The following COBL variants were observed in gnomAD, a reference collection of about 807,000 sequenced individuals.
The protein encoded by COBL is protein cordon-bleu.
A neutral mutation model predicts 98.8 loss-of-function variants in COBL; 51 were observed. That is an observed-to-expected ratio of 0.52 (90% CI 0.41 to 0.65). The LOEUF (loss-of-function observed/expected upper bound fraction) is 0.65. COBL is among the 30% of genes least tolerant of loss of function. The pLI is 0.00. For synonymous variants in COBL, 634 were observed against 651.7 expected (o/e 0.97, Z 0.41); for missense variants, 1,617 against 1,617.5 (o/e 1.00, Z 0.01).
intron 1 of COBL, chr7:51,259,521 G>T: frequency 1.5e-6 from 1 of 667,152 alleles, no homozygotes; most frequent in Non-Finnish European, 2.8e-6. Flanking sequence ...ATTTGTGGTA[G>T]CAAGATGGGC....
At chr7:51,259,538 G>A (rs1797531339) in intron 1 of COBL, 1 of 690,514 alleles carries the variant, frequency 1.4e-6, no homozygotes, top group Non-Finnish European at 2.7e-6. Context: ...GGGCCACTGA[G>A]AAGTGGAAAG....
chr7:51,072,872 A>C (rs528686135), intron 7 of COBL: 1 of 152,654 alleles, frequency 6.6e-6, no homozygotes, highest in South Asian at 2.1e-4. Context: ...GTGAGTTCCT[A>C]GTAACTACAT....
At chr7:51,197,254 A>AT (rs1790680491) in intron 2 of COBL, among the ~76,000 whole-genome samples, 1 of 152,042 alleles carries the variant, frequency 6.6e-6, no homozygotes, top group Non-Finnish European at 1.5e-5. Flanking sequence ...GAACTTCTTG[A>AT]TTTTCCCCTT....
intron 6 of COBL, among the ~76,000 whole-genome samples, chr7:51,111,616 T>C (rs2128977812): frequency 6.6e-6 from 1 of 152,276 alleles, no homozygotes; most frequent in Admixed American, 6.5e-5. Flanking sequence ...CCATCCATCC[T>C]TCAAGGCCCA....
At chr7:51,040,484 G>A (rs1002050997) in intron 8 of COBL, among the ~76,000 whole-genome samples, 1 of 152,210 alleles carries the variant, frequency 6.6e-6, no homozygotes, top group South Asian at 2.1e-4. Flanking sequence ...AAGGGCAGTA[G>A]TTCTGACAAT....
intron 5 of COBL, among the ~76,000 whole-genome samples, chr7:51,175,406 A>C (rs776622506): frequency 1.3e-5 from 2 of 152,230 alleles, no homozygotes; most frequent in Non-Finnish European, 2.9e-5. Context: ...ACCCCCAGAA[A>C]AACTCTTTAA....
chr7:51,159,071 C>G (rs926204877), intron 5 of COBL, among the ~76,000 whole-genome samples: 1 of 152,188 alleles, frequency 6.6e-6, no homozygotes, highest in Non-Finnish European at 1.5e-5. Flanking sequence ...ACACGAAGAG[C>G]TGGCCAGGAG....
chr7:51,161,686 G>A (rs1245273763), intron 5 of COBL, among the ~76,000 whole-genome samples: 1 of 152,078 alleles, frequency 6.6e-6, no homozygotes, highest in Non-Finnish European at 1.5e-5. Context: ...TTAACTTTAT[G>A]GTATCAAGAA....
chr7:51,117,260 G>T (rs1797356444), intron 6 of COBL, among the ~76,000 whole-genome samples: 1 of 151,756 alleles, frequency 6.6e-6, no homozygotes, highest in Non-Finnish European at 1.5e-5. Flanking sequence ...CTCACAAAAT[G>T]TAAAAAACTT....
chr7:51,033,059 A>G (rs1308726715), intron 8 of COBL: 1 of 152,312 alleles, frequency 6.6e-6, no homozygotes, highest in East Asian at 1.9e-4. Flanking sequence ...AATGATATCA[A>G]TAAGAATTAA....
chr7:51,284,257 C>A (rs200928312), intron 1 of COBL, among the ~76,000 whole-genome samples: 23 of 149,746 alleles, frequency 1.5e-4, no homozygotes, highest in Middle Eastern at 7.2e-3. Context: ...GCAGAGATTG[C>A]GCCACTGCAC....
chr7:51,271,089 G>A (rs1206446508), intron 1 of COBL, among the ~76,000 whole-genome samples: 1 of 152,206 alleles, frequency 6.6e-6, no homozygotes, highest in Admixed American at 6.5e-5. Context: ...CGCCAGGCCT[G>A]GTGTATCTCC....
chr7:51,192,213 T>C (rs1297943365), intron 3 of COBL, among the ~76,000 whole-genome samples: 2 of 152,206 alleles, frequency 1.3e-5, no homozygotes, highest in African/African-American at 4.8e-5. Context: ...TTGGCTGCAT[T>C]ACCATTTTTA....
intron 1 of COBL, among the ~76,000 whole-genome samples, chr7:51,306,880 T>C (rs1802524072): frequency 6.6e-6 from 1 of 152,128 alleles, no homozygotes; most frequent in Admixed American, 6.5e-5. Flanking sequence ...GCTTCAGAAA[T>C]AGAGCAGAGC....
chr7:51,018,908 ATATATATATATATATATATATATATAT>A lies in COBL; in HGVS notation c.3769-1367_3769-1341del, dbSNP rs1786616794. On this transcript the variant is annotated intron_variant, in intron 12 of 12. Coordinates refer to ENST00000265136, the MANE Select transcript of COBL (RefSeq NM_015198.5). ...CTCCATCTCAAAAAAAAAAAAAAAT[ATATATATATATATATATATATATATAT>A]ATATATATATATATATATGATTTTT... 1.0e-3 allele frequency among the ~76,000 whole-genome samples: 31 copies of A among 30,260 alleles called. 2 individuals are homozygous for A. The highest frequency in any genetic ancestry group is 0.017 in the Middle Eastern group (1 of 60). The allele number at this position is 30,260 out of a possible 152,430, so 19.9% of individuals were successfully genotyped here. A position where few individuals can be genotyped will look rare whatever the true frequency, so the allele number is the denominator to read the frequency against.
At chr7:51,198,819 T>C (rs946367212) in intron 2 of COBL, among the ~76,000 whole-genome samples, 9 of 152,188 alleles carry the variant, frequency 5.9e-5, no homozygotes, top group Non-Finnish European at 1.2e-4. Flanking sequence ...AAAAAATGAT[T>C]TGGCAGCCTG....
At chr7:51,088,777 C>A (rs779973792) in intron 6 of COBL, among the ~76,000 whole-genome samples, 31 of 152,206 alleles carry the variant, frequency 2.0e-4, no homozygotes, top group Non-Finnish European at 4.3e-4. Context: ...GATATTCATA[C>A]CTGCAGGATT....
intron 5 of COBL, among the ~76,000 whole-genome samples, chr7:51,140,800 C>T (rs746583597): frequency 1.3e-5 from 2 of 152,118 alleles, no homozygotes; most frequent in Admixed American, 6.5e-5. Context: ...TCACAGGTAC[C>T]GCAGAGAACA....
At chr7:51,274,928 G>A (rs962867514) in intron 1 of COBL, among the ~76,000 whole-genome samples, 1 of 152,156 alleles carries the variant, frequency 6.6e-6, no homozygotes, top group African/African-American at 2.4e-5. Flanking sequence ...TTGATTTTTA[G>A]GTCTGCATAT....
Sources: gnomAD v4.1 joint callset for allele counts (sites outside exome capture counted in the v4.1 genomes callset) on GRCh38, gnomAD v4.1.1 for gene constraint, MANE v1.5 for transcripts, NCBI Gene and HGNC (gene_info 2026-07-23, HGNC 2026-07-21) for gene names.